LRRC8C: variants seen among roughly 807,000 people sequenced by gnomAD.
The protein encoded by LRRC8C is volume-regulated anion channel subunit LRRC8C.
In LRRC8C, 20 loss-of-function variants were observed where a neutral mutation model predicts 55.3. The observed-to-expected ratio is 0.36, with a 90% CI of 0.25 to 0.53. LRRC8C has a LOEUF of 0.53. LRRC8C is among the 20% of genes least tolerant of loss of function. The pLI is 0.92. For missense variants in LRRC8C, 659 were observed against 951.4 expected (o/e 0.69, Z 4.04); for synonymous variants, 376 against 360.7 (o/e 1.04, Z -0.48).
At chr1:89,674,384 G>T (rs973488911) in intron 1 of LRRC8C, among the ~76,000 whole-genome samples, 1 of 152,100 alleles carries the variant, frequency 6.6e-6, no homozygotes, top group Non-Finnish European at 1.5e-5. Flanking sequence ...ATTTAGCTCT[G>T]CTGTGAATAA....
At chr1:89,693,646 C>CTTTTTTTTTTTTTTTTTTTTTTT (rs35427989) in intron 2 of LRRC8C, among the ~76,000 whole-genome samples, 1 of 82,692 alleles carries the variant, frequency 1.2e-5, no homozygotes, top group African/African-American at 5.5e-5. Flanking sequence ...TCTTTTCTTC[C>CTTTTTTTTTTTTTTTTTTTTTTT]TTTTTTTTTT....
intron 1 of LRRC8C, among the ~76,000 whole-genome samples, chr1:89,655,557 T>A (rs1214273706): frequency 6.6e-6 from 1 of 152,200 alleles, no homozygotes; most frequent in Non-Finnish European, 1.5e-5. Context: ...AATTTTGGGC[T>A]TACAGTTCTG....
chr1:89,678,699 T>TAAA lies in LRRC8C; in HGVS notation c.-4-7758_-4-7756dup, dbSNP rs113109949. Among the ~76,000 whole-genome samples, 264 of 131,436 alleles carry TAAA rather than the reference T, an allele frequency of 2.0e-3. 1 individual carries two copies. The highest frequency in any genetic ancestry group is 2.6e-3 in the Non-Finnish European group (163 of 62,466). 86.2% of individuals were successfully genotyped at this position (131,436 alleles called of 152,430 possible). On this transcript the variant is annotated intron_variant, in intron 1 of 2. Coordinates refer to ENST00000370454, the MANE Select transcript of LRRC8C (RefSeq NM_032270.5). ...TGGGCAACAAGGGAGAAATTCTGTC[T>TAAA]AAAAAAAAAAAAAAACGAAAGGAAG...
chr1:89,675,551 A>G (rs1167275633), intron 1 of LRRC8C, among the ~76,000 whole-genome samples: 2 of 152,236 alleles, frequency 1.3e-5, no homozygotes, highest in Non-Finnish European at 2.9e-5. Context: ...GGTAAACCTC[A>G]GTCTCTTTCT....
intron 1 of LRRC8C, among the ~76,000 whole-genome samples, chr1:89,646,606 C>T (rs1019874915): frequency 1.3e-5 from 2 of 151,988 alleles, no homozygotes; most frequent in Non-Finnish European, 2.9e-5. Flanking sequence ...GATTTTCTAT[C>T]AATCTCATAC....
chr1:89,680,482 G>A (rs1383378454), intron 1 of LRRC8C, among the ~76,000 whole-genome samples: 1 of 148,318 alleles, frequency 6.7e-6, no homozygotes, highest in Non-Finnish European at 1.5e-5. Context: ...TTTTTTTCTG[G>A]TCTGGAGATG....
intron 1 of LRRC8C, among the ~76,000 whole-genome samples, chr1:89,641,542 G>A (rs1656455002): frequency 6.6e-6 from 1 of 152,044 alleles, no homozygotes; most frequent in South Asian, 2.1e-4. Flanking sequence ...TTCTGTTGCT[G>A]ATCAAGTTAG....
In LRRC8C at chr1:89,687,377, G is replaced by T. The variant is rs149255678; in HGVS notation, c.138+766G>T. On this transcript the variant is annotated intron_variant, in intron 2 of 2. Transcript: ENST00000370454. ...GTTAGTCAAGAACCTCTCCTTAGCTGAAAGTAAGAGGACACCAAGAGGAGA... is the reference window on the plus strand; with the variant it reads ...GTTAGTCAAGAACCTCTCCTTAGCTTAAAGTAAGAGGACACCAAGAGGAGA... Among the ~76,000 whole-genome samples, 142 of 152,324 alleles carry T rather than the reference G, an allele frequency of 9.3e-4. 1 individual carries two copies. The highest frequency in any genetic ancestry group is 3.3e-3 in the African/African-American group (137 of 41,584).
intron 1 of LRRC8C, among the ~76,000 whole-genome samples, chr1:89,678,908 TA>T (rs1053066891): frequency 2.0e-5 from 3 of 151,324 alleles, no homozygotes; most frequent in Non-Finnish European, 4.4e-5. Flanking sequence ...GGGACAGGAG[TA>T]GGTTTTGGAC....
rs188578944 is a variant in LRRC8C, at chr1:89,669,271, G to A, written c.-4-17199G>A. Among the ~76,000 whole-genome samples the A allele has an allele frequency of 4.7e-4, 72 of 152,128 alleles. No homozygotes were observed. In the Middle Eastern group the frequency reaches 0.01, roughly 22 times the overall value. On this transcript the variant is annotated intron_variant, in intron 1 of 2. Transcript: ENST00000370454. Reference sequence around the variant, plus strand: ...AAGAGAACACTGGTGGTTGCCAGGGGCTGGGGGGAGGGGAAATGGCGAGCT... The same window carrying A: ...AAGAGAACACTGGTGGTTGCCAGGGACTGGGGGGAGGGGAAATGGCGAGCT...
chr1:89,694,132 C>A (rs1658102496), intron 2 of LRRC8C, among the ~76,000 whole-genome samples: 1 of 151,940 alleles, frequency 6.6e-6, no homozygotes, highest in Non-Finnish European at 1.5e-5. Context: ...ACCTCTGTTA[C>A]ATCTAGTATC....
chr1:89,669,877 GA>G (rs1389717532), intron 1 of LRRC8C, among the ~76,000 whole-genome samples: 1 of 152,118 alleles, frequency 6.6e-6, no homozygotes, highest in East Asian at 1.9e-4. Flanking sequence ...ATTGGACATG[GA>G]AAATGTAACC....
chr1:89,621,186 C>T, the LRRC8C span, among the ~76,000 whole-genome samples: 13 of 151,706 alleles, frequency 8.6e-5, no homozygotes, highest in African/African-American at 2.4e-4. Context: ...TTTGGCCAGG[C>T]GCGGTGGCTC....
At chr1:89,704,849 G>A (rs373493921) in intron 2 of LRRC8C, among the ~76,000 whole-genome samples, 3 of 152,076 alleles carry the variant, frequency 2.0e-5, no homozygotes, top group Admixed American at 2.0e-4. Flanking sequence ...TTCAACCATT[G>A]TGGAAGTCAG....
chr1:89,639,434 C>T (rs1656392546), intron 1 of LRRC8C, among the ~76,000 whole-genome samples: 1 of 152,146 alleles, frequency 6.6e-6, no homozygotes, highest in South Asian at 2.1e-4. Flanking sequence ...TAGCATGAGC[C>T]TATCATGGCA....
intron 1 of LRRC8C, among the ~76,000 whole-genome samples, chr1:89,644,755 T>G (rs1656568086): frequency 6.6e-6 from 1 of 152,178 alleles, no homozygotes; most frequent in African/African-American, 2.4e-5. Context: ...TTACCAAATC[T>G]TTGCCTGACC....
chr1:89,677,735 A>G (rs1657589159), intron 1 of LRRC8C, among the ~76,000 whole-genome samples: 1 of 152,168 alleles, frequency 6.6e-6, no homozygotes, highest in Admixed American at 6.5e-5. Flanking sequence ...TTTATAACCC[A>G]TTTATGCTTT....
intron 1 of LRRC8C, among the ~76,000 whole-genome samples, chr1:89,677,180 T>A (rs1363622224): frequency 6.8e-6 from 1 of 147,482 alleles, no homozygotes; most frequent in Non-Finnish European, 1.5e-5. Context: ...GAAGTACTTT[T>A]GCCACACCCA....
chr1:89,623,954 G>A, the LRRC8C span, among the ~76,000 whole-genome samples: 1 of 152,178 alleles, frequency 6.6e-6, no homozygotes, highest in African/African-American at 2.4e-5. Flanking sequence ...TGGGATGGTG[G>A]TATAAGACGT....
Sources: allele counts gnomAD v4.1 joint callset (sites outside exome capture counted in the v4.1 genomes callset), GRCh38; gene constraint gnomAD v4.1.1; transcripts MANE v1.5; gene names NCBI Gene and HGNC (gene_info 2026-07-23, HGNC 2026-07-21).